Variants in MAD1L1 observed in about 807,000 individuals in gnomAD.
MAD1L1 encodes mitotic spindle assembly checkpoint protein MAD1.
MAD1L1 carries 95 observed loss-of-function variants against 96.9 expected under a neutral mutation model. The ratio of observed to expected loss-of-function variants is 0.98; its 90% CI spans 0.83 to 1.16. The LOEUF (loss-of-function observed/expected upper bound fraction) is 1.16. MAD1L1 is among the 50% of genes most tolerant of loss of function. The pLI, the probability that MAD1L1 is intolerant of heterozygous loss-of-function variation, is 0.00. For synonymous variants in MAD1L1, 473 were observed against 396.6 expected (o/e 1.19, Z -2.29); for missense variants, 1,007 against 954.4 (o/e 1.06, Z -0.73).
At chr7:2,213,409 A>G (rs902935068) in intron 9 of MAD1L1, 136 bp from the exon 10 acceptor site, 2 of 778,940 alleles carry the variant, frequency 2.6e-6, no homozygotes, top group African/African-American at 3.4e-5. Flanking sequence ...TGGGCGCTAC[A>G]TGCTCCAAGT....
rs543190106 is a variant in MAD1L1 at position 2,146,317 on chromosome 7, G to A, written c.1073+2835C>T. On this transcript the variant is annotated intron_variant, in intron 11 of 18. Transcript: ENST00000265854. This position sits in a 1 kb window ranked among gnomAD's most constrained non-coding sequence, Gnocchi z 6.2. ...GAGGGAGCACCGGGCACTGGGCTAC[G>A]AGGAACAGGGCACCGCCTCGAAGAG... Among the ~76,000 whole-genome samples the A allele has an allele frequency of 6.6e-6, 1 of 151,340 alleles. No homozygotes were observed. Among genetic ancestry groups the A allele is most frequent in the Non-Finnish European group, 1.5e-5 (1 of 67,878 alleles).
At chr7:2,143,343 G>A (rs893295284) in intron 11 of MAD1L1, among the ~76,000 whole-genome samples, 1 of 138,118 alleles carries the variant, frequency 7.2e-6, no homozygotes, top group South Asian at 2.4e-4. Flanking sequence ...ATGCCTTGCT[G>A]GTCTCTGGAT....
chr7:1,853,396 G>A (rs1373930802), intron 18 of MAD1L1, among the ~76,000 whole-genome samples: 2 of 152,176 alleles, frequency 1.3e-5, no homozygotes, highest in African/African-American at 2.4e-5. Flanking sequence ...CTGGCAGGGA[G>A]GACGCACACG....
chr7:2,008,666 C>T (rs1782145567), intron 13 of MAD1L1, among the ~76,000 whole-genome samples: 1 of 152,216 alleles, frequency 6.6e-6, no homozygotes, highest in Admixed American at 6.5e-5. Flanking sequence ...CTCAGCCCCT[C>T]CTCCACAGCC....
intron 17 of MAD1L1, among the ~76,000 whole-genome samples, chr7:1,924,774 T>G (rs1789000128): frequency 6.6e-6 from 1 of 152,168 alleles, no homozygotes; most frequent in African/African-American, 2.4e-5. Context: ...TTGGTGGGGT[T>G]TTCCACATAT....
intron 12 of MAD1L1, among the ~76,000 whole-genome samples, chr7:2,039,567 C>G (rs1477555628): frequency 6.6e-6 from 1 of 152,196 alleles, no homozygotes; most frequent in African/African-American, 2.4e-5. Context: ...AGTGACACCT[C>G]ACTGTGGTTT....
At chr7:2,093,297 T>A (rs1347009487) in intron 11 of MAD1L1, among the ~76,000 whole-genome samples, 1 of 148,354 alleles carries the variant, frequency 6.7e-6, no homozygotes, top group African/African-American at 2.5e-5. Flanking sequence ...AGCCAAAAAG[T>A]TATGTTTTAA....
At chr7:1,879,797 C>A (rs531498506) in intron 18 of MAD1L1, among the ~76,000 whole-genome samples, 2 of 152,290 alleles carry the variant, frequency 1.3e-5, no homozygotes, top group East Asian at 3.9e-4. Flanking sequence ...GTGGCGCGAT[C>A]TCGGCTCACT....
rs1385256341 is a variant in MAD1L1, at chr7:1,968,540, C to T, written c.1506-10821G>A. Reference sequence around the variant, plus strand: ...CAGGTCCACCGTCAATGCCAGCGGTCATGTCCACCATCAACGCCTCAGTCC... The same window carrying T: ...CAGGTCCACCGTCAATGCCAGCGGTTATGTCCACCATCAACGCCTCAGTCC... On this transcript the variant is annotated intron_variant, in intron 15 of 18. Transcript: ENST00000265854. The surrounding 1 kb of genome is among the most constrained non-coding windows in gnomAD (Gnocchi z 5.6). Among the ~76,000 whole-genome samples the T allele has an allele frequency of 3.3e-5, 5 of 151,664 alleles. No homozygotes were observed. The highest frequency in any genetic ancestry group is 3.3e-4 in the Admixed American group (5 of 15,258).
chr7:1,930,921 G>A (rs1789435477), intron 17 of MAD1L1, among the ~76,000 whole-genome samples: 1 of 152,170 alleles, frequency 6.6e-6, no homozygotes, highest in South Asian at 2.1e-4. Flanking sequence ...CCGGGGAGGA[G>A]CATCCGTCTC....
intron 11 of MAD1L1, among the ~76,000 whole-genome samples, chr7:2,071,688 T>C (rs1584252071): frequency 6.6e-6 from 1 of 152,290 alleles, no homozygotes; most frequent in African/African-American, 2.4e-5. Context: ...GCGGAGTCAA[T>C]TATGTCCGCC....
At chr7:1,870,256 C>T (rs1303636284) in intron 18 of MAD1L1, among the ~76,000 whole-genome samples, 1 of 150,830 alleles carries the variant, frequency 6.6e-6, no homozygotes, top group African/African-American at 2.5e-5. Flanking sequence ...ACCTGCCACG[C>T]TGAACCCAAC....
At chr7:1,818,024 G>A (rs1781917991) in intron 18 of MAD1L1, among the ~76,000 whole-genome samples, 1 of 152,022 alleles carries the variant, frequency 6.6e-6, no homozygotes, top group South Asian at 2.1e-4. Flanking sequence ...AGTACATTTG[G>A]CCTTGTCATA....
intron 17 of MAD1L1, among the ~76,000 whole-genome samples, chr7:1,913,301 G>A (rs961888852): frequency 4.6e-5 from 7 of 151,532 alleles, no homozygotes; most frequent in African/African-American, 1.7e-4. Flanking sequence ...TTCTGGGCGG[G>A]GTGGGTGCAG....
At chr7:2,051,414 C>A (rs1784161412) in intron 12 of MAD1L1, among the ~76,000 whole-genome samples, 2 of 152,176 alleles carry the variant, frequency 1.3e-5, no homozygotes, top group Non-Finnish European at 2.9e-5. Context: ...GCCTACAGGA[C>A]AGAAGGGGCT....
At chr7:2,130,250 C>T (rs551247833) in intron 11 of MAD1L1, among the ~76,000 whole-genome samples, 1 of 152,312 alleles carries the variant, frequency 6.6e-6, no homozygotes, top group South Asian at 2.1e-4. Flanking sequence ...CAGGTGCCTC[C>T]CCGCTGAAAT....
At chr7:2,023,552 A>C (rs1215996729) in intron 12 of MAD1L1, among the ~76,000 whole-genome samples, 1 of 152,264 alleles carries the variant, frequency 6.6e-6, no homozygotes, top group Non-Finnish European at 1.5e-5. Flanking sequence ...AATTTATAGC[A>C]TTGAATGTAA....
intron 15 of MAD1L1, among the ~76,000 whole-genome samples, chr7:1,964,012 A>C (rs1005966421): frequency 6.6e-6 from 1 of 152,182 alleles, no homozygotes; most frequent in Non-Finnish European, 1.5e-5. Flanking sequence ...ACATCAATCT[A>C]GCAGGGAAGT....
intron 18 of MAD1L1, chr7:1,849,341 C>G (rs1280131245): frequency 6.6e-6 from 1 of 152,268 alleles, no homozygotes; most frequent in Non-Finnish European, 1.5e-5. Context: ...CAGCCCACGT[C>G]TCCTACGGTT....
Sources: gnomAD v4.1 joint callset for allele counts (sites outside exome capture counted in the v4.1 genomes callset) on GRCh38, gnomAD v4.1.1 for gene constraint, Gnocchi (gnomAD v3.1) non-coding constraint, MANE v1.5 for transcripts, NCBI Gene and HGNC (gene_info 2026-07-23, HGNC 2026-07-21) for gene names.